Variants in BRDT observed in about 807,000 individuals in gnomAD.
BRDT encodes the protein bromodomain testis-specific protein.
BRDT carries 77 observed loss-of-function variants against 113.9 expected under a neutral mutation model. The ratio of observed to expected loss-of-function variants is 0.68; its 90% confidence interval spans 0.56 to 0.82. The LOEUF (loss-of-function observed/expected upper bound fraction) is 0.82. BRDT is among the 40% of genes least tolerant of loss of function. The pLI is 0.00. For missense variants in BRDT, 1,027 were observed against 1,105.4 expected (o/e 0.93, Z 1.01); for synonymous variants, 358 against 366.5 (o/e 0.98, Z 0.26).
chr1:91,991,170 G>T lies in BRDT; in HGVS notation c.2003-14G>T. On this transcript the variant is annotated splice_polypyrimidine_tract_variant and intron_variant, in intron 12 of 18. Transcript: ENST00000399546. ...CTAATAAATATTAAAATATTTATGT[G>T]TATACATTTGCAGAAATGTTCCCTA... is the stretch of plus-strand genomic sequence containing the variant. 6.9e-7 allele frequency: 1 copy of T among 1,451,336 alleles called. No individual in the cohort carries two copies. The highest frequency in any genetic ancestry group is 9.5e-7 in the Non-Finnish European group (1 of 1,055,070). 89.9% of individuals were successfully genotyped at this position (1,451,336 alleles called of 1,614,324 possible).
At chr1:92,010,649 C>T (rs1213745563) in intron 18 of BRDT, among the ~76,000 whole-genome samples, 1 of 151,874 alleles carries the variant, frequency 6.6e-6, no homozygotes, top group African/African-American at 2.4e-5. Context: ...ATAAATTCAC[C>T]AGTCTTTTCT....
rs1688038672 is a variant in BRDT, at chr1:92,014,317, A to G, written c.*43A>G. ...AACCATCAACTTAAAATGAATGGTAAAAGATCAAAATGCATATGGTAAAAT... is the reference window on the plus strand; with the variant it reads ...AACCATCAACTTAAAATGAATGGTAGAAGATCAAAATGCATATGGTAAAAT... On this transcript the variant is annotated 3_prime_UTR_variant, in exon 19 of 19. Transcript: ENST00000399546. 7.4e-6 allele frequency: 10 copies of G among 1,350,170 alleles called. No homozygotes were observed. Among genetic ancestry groups the G allele is most frequent in the Non-Finnish European group, 1.0e-5 (10 of 970,286 alleles). The allele number at this position is 1,350,170 out of a possible 1,614,324, so 83.6% of individuals were successfully genotyped here. A position where few individuals can be genotyped will look rare whatever the true frequency, so the allele number is the denominator to read the frequency against.
At chr1:91,979,005 AAAAAAAAACAACAACAACAAC>A in intron 7 of BRDT, among the ~76,000 whole-genome samples, 1 of 134,228 alleles carries the variant, frequency 7.5e-6, no homozygotes. Flanking sequence ...CTCAAAAAAA[AAAAAAAAACAACAACAACAAC>A]AAAAAAAACC....
intron 12 of BRDT, among the ~76,000 whole-genome samples, chr1:91,990,465 C>G (rs1685652812): frequency 6.6e-6 from 1 of 152,170 alleles, no homozygotes; most frequent in South Asian, 2.1e-4. Flanking sequence ...AATTAAGCCT[C>G]TTAGGGCTAT....
chr1:91,987,452 G>C (rs930114329), intron 12 of BRDT, among the ~76,000 whole-genome samples: 3 of 151,952 alleles, frequency 2.0e-5, no homozygotes, highest in African/African-American at 7.3e-5. Flanking sequence ...TCCTGCCTCA[G>C]CCTCCTGTGT....
intron 1 of BRDT, among the ~76,000 whole-genome samples, chr1:91,960,666 A>ATT (rs1682350486): frequency 2.6e-5 from 4 of 151,972 alleles, no homozygotes; most frequent in Non-Finnish European, 5.9e-5. Context: ...ACACTTAAAA[A>ATT]GAGTATGGTA....
chr1:91,983,528 C>A (rs776451200), intron 12 of BRDT, among the ~76,000 whole-genome samples: 27 of 151,968 alleles, frequency 1.8e-4, no homozygotes, highest in Non-Finnish European at 3.5e-4. Flanking sequence ...TGCTGGGATG[C>A]CAGGCATTAG....
chr1:91,978,396 A>G, intron 7 of BRDT, 100 bp downstream of exon 7: 1 of 1,356,512 alleles, frequency 7.4e-7, no homozygotes, highest in South Asian at 1.6e-5. Flanking sequence ...TAACTCCTAC[A>G]CCTCTAAGTA....
At chr1:92,000,053 G>C (rs1222116122) in intron 15 of BRDT, among the ~76,000 whole-genome samples, 1 of 152,158 alleles carries the variant, frequency 6.6e-6, no homozygotes, top group African/African-American at 2.4e-5. Context: ...GTTGTTATTT[G>C]TTTGTTTTGT....
intron 18 of BRDT, among the ~76,000 whole-genome samples, chr1:92,006,612 G>A (rs190526312): frequency 7.4e-5 from 11 of 148,296 alleles, no homozygotes; most frequent in Admixed American, 3.4e-4. Flanking sequence ...GATTACAGGC[G>A]CACGCCACCA....
At chr1:92,011,476 CTT>C (rs1020675919) in intron 18 of BRDT, among the ~76,000 whole-genome samples, 2 of 151,822 alleles carry the variant, frequency 1.3e-5, no homozygotes, top group African/African-American at 4.8e-5. Flanking sequence ...GACCTAAAGT[CTT>C]TCTTTTTTTT....
intron 12 of BRDT, among the ~76,000 whole-genome samples, chr1:91,982,496 A>C (rs1290919186): frequency 6.6e-6 from 1 of 152,214 alleles, no homozygotes; most frequent in African/African-American, 2.4e-5. Context: ...CAAATTCAGA[A>C]TTTGGACACT....
Position 91,977,239 on chromosome 1 carries a change from A to G in BRDT, c.815A>G (p.Gln272Arg). The G allele has an allele frequency of 6.2e-7, 1 of 1,614,086 alleles. No homozygotes were observed. Among genetic ancestry groups the G allele is most frequent in the Non-Finnish European group, 8.5e-7 (1 of 1,179,988 alleles). The change falls in exon 6 of 19, where the codon CAA becomes CGA. Residue 272 changes from glutamine to arginine, a missense_variant. Gln to Arg is a conservative substitution (Grantham distance 43). Transcript: ENST00000399546. Reference protein sequence around the residue: ...NVVKTVKVTEQLRHCSEILKE... With the variant: ...NVVKTVKVTERLRHCSEILKE... The stretch of plus-strand genomic sequence containing the variant: ...GTGAAGACTGTTAAAGTAACTGAAC[A>G]ATTAAGGCACTGTAGTGAGATTCTT...
intron 17 of BRDT, among the ~76,000 whole-genome samples, chr1:92,004,888 A>G (rs1243791479): frequency 6.6e-6 from 1 of 152,122 alleles, no homozygotes; most frequent in Admixed American, 6.5e-5. Context: ...TTTCTGGTCT[A>G]TGTGTTAGAA....
intron 3 of BRDT, among the ~76,000 whole-genome samples, chr1:91,967,327 C>G (rs1018316429): frequency 1.3e-5 from 2 of 151,734 alleles, no homozygotes; most frequent in African/African-American, 4.9e-5. Flanking sequence ...ACCTCCACCT[C>G]CCGGTTCAAG....
At chr1:92,007,368 T>C (rs978889558) in intron 18 of BRDT, among the ~76,000 whole-genome samples, 5 of 152,178 alleles carry the variant, frequency 3.3e-5, no homozygotes, top group African/African-American at 1.2e-4. Context: ...AGTTACCTTT[T>C]CTGCTCCTCT....
At chr1:92,001,829 C>CA (rs949468314) in intron 15 of BRDT, among the ~76,000 whole-genome samples, 1 of 151,732 alleles carries the variant, frequency 6.6e-6, no homozygotes, top group African/African-American at 2.4e-5. Context: ...CCAGAACAAG[C>CA]AAAAATAACA....
chr1:92,004,757 A>G (rs1051122574), intron 17 of BRDT, 138 bp downstream of exon 17: 2 of 737,010 alleles, frequency 2.7e-6, no homozygotes. Context: ...CAAAAAGTAC[A>G]TTTGATACTT....
chr1:91,998,354 TG>T (rs1277802888), intron 15 of BRDT, among the ~76,000 whole-genome samples: 2 of 151,758 alleles, frequency 1.3e-5, no homozygotes, highest in Non-Finnish European at 2.9e-5. Context: ...TGGGGCCTGT[TG>T]GGGGATGGGG....
Sources: allele counts gnomAD v4.1 joint callset (sites outside exome capture counted in the v4.1 genomes callset), GRCh38; gene constraint gnomAD v4.1.1; transcripts MANE v1.5; gene names NCBI Gene and HGNC (gene_info 2026-07-23, HGNC 2026-07-21).